The following PAMR1 variants were observed in gnomAD, a reference collection of about 807,000 sequenced individuals.
The protein encoded by PAMR1 is peptidase domain containing associated with muscle regeneration 1, also known as inactive serine protease PAMR1.
A neutral mutation model predicts 81.8 loss-of-function variants in PAMR1; 88 were observed. That is an observed-to-expected ratio of 1.08 (90% CI 0.91 to 1.28). PAMR1 has a LOEUF of 1.28. PAMR1 is among the 50% of genes most tolerant of loss of function. PAMR1 has a pLI of 0.00. For missense variants in PAMR1, 935 were observed against 919.7 expected (o/e 1.02, Z -0.21); for synonymous variants, 336 against 345.3 (o/e 0.97, Z 0.30).
chr11:35,432,531 G>T lies in PAMR1; in HGVS notation c.1988C>A (p.Ala663Glu). The T allele has an allele frequency of 2.5e-6, 4 of 1,614,242 alleles. No homozygotes were observed. The highest frequency in any genetic ancestry group is 2.5e-6 in the Non-Finnish European group (3 of 1,180,052). ...CACAGCCGCGATGCCTCCTGTCTCTGCAGTGCAGATATCAGAAGGGGCAGT... is the reference window on the plus strand; with the variant it reads ...CACAGCCGCGATGCCTCCTGTCTCTTCAGTGCAGATATCAGAAGGGGCAGT... ...EPTAPSDICT[A>E]ETGGIAAVSF... Residue 663 changes from alanine to glutamate, a missense_variant, in exon 11 of 11, where the codon GCA (alanine) becomes GAA (glutamate). Transcript: ENST00000619888.
Position 35,435,798 on chromosome 11 carries a change from G to A in PAMR1, c.1333+105C>T, listed in dbSNP as rs540469932. The A allele has an allele frequency of 5.0e-5, 40 of 803,688 alleles. No individual in the cohort carries two copies. The East Asian group carries it at 5.3e-4, about 11-fold the overall frequency. 49.8% of individuals were successfully genotyped at this position (803,688 alleles called of 1,614,324 possible). On this transcript the variant is annotated intron_variant, in intron 9 of 10. Coordinates refer to ENST00000619888, the MANE Select transcript of PAMR1 (RefSeq NM_001001991.3). ...TGGAATTTCAGATATCACCAAACTA[G>A]AGAAAGCACTGGAGATGCTCTCCCA... is the stretch of plus-strand genomic sequence containing the variant.
At chr11:35,504,745 AT>A (rs1324318126) in intron 1 of PAMR1, among the ~76,000 whole-genome samples, 3 of 145,304 alleles carry the variant, frequency 2.1e-5, no homozygotes, top group Non-Finnish European at 4.5e-5. Flanking sequence ...TTCTAATTTT[AT>A]TTAATTGGGA....
At chr11:35,523,079 C>T (rs1411930565) in intron 1 of PAMR1, among the ~76,000 whole-genome samples, 1 of 152,152 alleles carries the variant, frequency 6.6e-6, no homozygotes, top group Non-Finnish European at 1.5e-5. Context: ...TAGGGGAACA[C>T]CCTCTTCATG....
chr11:35,454,502 T>G (rs1047873032), intron 6 of PAMR1, among the ~76,000 whole-genome samples: 4 of 152,218 alleles, frequency 2.6e-5, no homozygotes, highest in Non-Finnish European at 5.9e-5. Context: ...CTTATCTTGC[T>G]TCCCCAGCTC....
intron 3 of PAMR1, among the ~76,000 whole-genome samples, chr11:35,477,529 T>C (rs924568900): frequency 1.3e-5 from 2 of 152,222 alleles, no homozygotes; most frequent in Non-Finnish European, 2.9e-5. Flanking sequence ...CTCAGCTTTA[T>C]TTTCCCTAGC....
At chr11:35,483,994 C>T (rs776238604) in intron 3 of PAMR1, among the ~76,000 whole-genome samples, 1 of 152,114 alleles carries the variant, frequency 6.6e-6, no homozygotes, top group Admixed American at 6.5e-5. Context: ...TCTTCTCTGG[C>T]CCTATATTGA....
chr11:35,501,496 C>T (rs1231000534), intron 1 of PAMR1, among the ~76,000 whole-genome samples: 1 of 152,006 alleles, frequency 6.6e-6, no homozygotes, highest in Admixed American at 6.5e-5. Context: ...AATACAAGTA[C>T]AGTTGTACAA....
chr11:35,484,975 C>T (rs554384178), intron 3 of PAMR1, among the ~76,000 whole-genome samples: 7 of 152,316 alleles, frequency 4.6e-5, no homozygotes, highest in African/African-American at 1.7e-4. Flanking sequence ...TAAGAGGAAG[C>T]CTTGGTTTCG....
intron 10 of PAMR1, among the ~76,000 whole-genome samples, chr11:35,433,222 G>T (rs1036402360): frequency 9.9e-5 from 15 of 152,160 alleles, no homozygotes; most frequent in African/African-American, 3.6e-4. Context: ...GCCAGAAAAT[G>T]AATTCCAAAT....
At chr11:35,468,343 G>T (rs6484787) in intron 5 of PAMR1, among the ~76,000 whole-genome samples, 2 of 151,922 alleles carry the variant, frequency 1.3e-5, no homozygotes, top group Non-Finnish European at 2.9e-5. Context: ...TATGCTTAAC[G>T]CTCCTATAGT....
chr11:35,473,692 C>G (rs1231649369), intron 4 of PAMR1, among the ~76,000 whole-genome samples: 1 of 152,134 alleles, frequency 6.6e-6, no homozygotes, highest in Non-Finnish European at 1.5e-5. Context: ...TGTTGCCCCT[C>G]CTGGAGGACA....
chr11:35,445,890 T>C (rs1482471099), intron 6 of PAMR1, among the ~76,000 whole-genome samples: 1 of 152,220 alleles, frequency 6.6e-6, no homozygotes, highest in African/African-American at 2.4e-5. Context: ...TTGTTTTGAA[T>C]AGTTTCAGAA....
At chr11:35,515,117 A>G (rs1851139023) in intron 1 of PAMR1, among the ~76,000 whole-genome samples, 1 of 152,182 alleles carries the variant, frequency 6.6e-6, no homozygotes, top group Non-Finnish European at 1.5e-5. Flanking sequence ...TAAAAATCCA[A>G]TCTCGTTTTC....
intron 6 of PAMR1, chr11:35,453,402 C>T (rs1856461795): frequency 6.6e-6 from 1 of 152,214 alleles, no homozygotes; most frequent in Admixed American, 6.5e-5. Context: ...TGGGTGCCAA[C>T]CACGGTGTCT....
chr11:35,440,980 CCTATAA>C (rs757001843), intron 7 of PAMR1, among the ~76,000 whole-genome samples: 7 of 152,192 alleles, frequency 4.6e-5, no homozygotes, highest in Non-Finnish European at 1.0e-4. Context: ...CTCATCTCTT[CCTATAA>C]CTATCCCTTG....
chr11:35,529,101 T>C (rs1468036098), upstream of PAMR1: 1 of 152,226 alleles, frequency 6.6e-6, no homozygotes, highest in Non-Finnish European at 1.5e-5. Context: ...GTCCCCATTA[T>C]GGTCAACTGC....
At chr11:35,465,862 T>C (rs1856746325) in intron 6 of PAMR1, among the ~76,000 whole-genome samples, 2 of 152,360 alleles carry the variant, frequency 1.3e-5, no homozygotes, top group South Asian at 4.1e-4. Context: ...TATGAATCAG[T>C]TCATAGTGAC....
At chr11:35,467,355 T>G (rs1192857198) in intron 6 of PAMR1, among the ~76,000 whole-genome samples, 1 of 152,188 alleles carries the variant, frequency 6.6e-6, no homozygotes, top group Admixed American at 6.5e-5. Context: ...TAGGAGACTC[T>G]CTGTCCTCCT....
rs541189556 is a variant in PAMR1 at position 35,432,315 on chromosome 11, G to A, written c.*41C>T. ...TTCACGCAATGACACACGTACAGAC[G>A]GATATACAGAAACACTTCTCAAGGA... On this transcript the variant is annotated 3_prime_UTR_variant, in exon 11 of 11. Transcript: ENST00000619888. 2.1e-5 allele frequency: 33 copies of A among 1,550,726 alleles called. No individual in the cohort carries two copies. The highest frequency in any genetic ancestry group is 3.5e-5 in the South Asian group (3 of 86,150).
Sources: allele counts gnomAD v4.1 joint callset (sites outside exome capture counted in the v4.1 genomes callset), GRCh38; gene constraint gnomAD v4.1.1; transcripts MANE v1.5; gene names NCBI Gene and HGNC (gene_info 2026-07-23, HGNC 2026-07-21).